C1orf167: variants seen among roughly 807,000 people sequenced by gnomAD.
C1orf167 encodes the protein uncharacterized protein C1orf167.
Under a neutral mutation model 176.5 loss-of-function variants are expected in C1orf167, and 153 were observed. The observed-to-expected ratio is 0.87, with a 90% CI of 0.76 to 0.99. The LOEUF (loss-of-function observed/expected upper bound fraction) is 0.99, where lower values mean the gene tolerates loss of function less well. Ranked by LOEUF, C1orf167 falls within the 50% of genes least tolerant of loss-of-function variation. The pLI is 0.00. For synonymous variants in C1orf167, 594 were observed against 752.7 expected, an observed-to-expected ratio of 0.79 and a Z score of 3.45; for missense variants, 1,490 against 1,817.7, an observed-to-expected ratio of 0.82 and a Z score of 3.28.
chr1:11,788,185 G>C lies in C1orf167; in HGVS notation c.3885G>C (p.Gln1295His), dbSNP rs1166977246. ...GCAGGATCCTGGAAAAGCAGGCCCA[G>C]GCCCATGGCTCTGCCCTCCTTCTGG... The part of the protein sequence containing the change: ...RSCRILEKQA[Q>H]AHGSALLLAL... Residue 1295 changes from glutamine (Q) to histidine (H), a missense_variant, in exon 19 of 21, where the codon CAG (glutamine) becomes CAC (histidine). By Grantham distance (24) the Gln-to-His change is conservative. Coordinates refer to ENST00000688073, the MANE Select transcript of C1orf167 (RefSeq NM_001010881.2). 3 of 1,296,148 alleles carry C rather than the reference G, an allele frequency of 2.3e-6. No individual in the cohort carries two copies. The South Asian group carries it at 3.7e-5, about 16-fold the overall frequency. 80.3% of individuals were successfully genotyped at this position (1,296,148 alleles called of 1,614,324 possible).
chr1:11,774,440 A>C (rs2100317410), intron 8 of C1orf167, among the ~76,000 whole-genome samples: 1 of 152,320 alleles, frequency 6.6e-6, no homozygotes, highest in Non-Finnish European at 1.5e-5. Context: ...CTAGTTTCCC[A>C]CTGTCTGCAT....
chr1:11,783,282 T>C (rs1304192535), intron 14 of C1orf167, among the ~76,000 whole-genome samples: 1 of 152,170 alleles, frequency 6.6e-6, no homozygotes, highest in East Asian at 1.9e-4. Context: ...AGTTTCGCTC[T>C]TGTTGCCCAG....
At position 11,788,046 on chromosome 1, in the gene C1orf167, C is replaced by T. The variant is rs1383903827; in HGVS notation, c.3847C>T (p.Arg1283Cys). 2.3e-5 allele frequency: 30 copies of T among 1,293,654 alleles called. No homozygotes were observed. Among genetic ancestry groups the T allele is most frequent in the South Asian group, 3.8e-5 (3 of 79,760 alleles). 80.1% of individuals were successfully genotyped at this position (1,293,654 alleles called of 1,614,324 possible). A position where few individuals can be genotyped will look rare whatever the true frequency, so the allele number is the denominator to read the frequency against. Reference sequence around the variant, plus strand: ...AAGCAAGGCCCATAAACGGAGGCTACGGTAAGAGGAGCTGTGTGTGCAGTT... The same window carrying T: ...AAGCAAGGCCCATAAACGGAGGCTATGGTAAGAGGAGCTGTGTGTGCAGTT... ...AQSKAHKRRL[R>C]ARSCRILEKQ... The change falls in exon 18 of 21, where the codon CGT becomes TGT. Residue 1283 changes from arginine (R) to cysteine (C), a missense_variant and splice_region_variant. Arg to Cys is a radical substitution (Grantham distance 180). Transcript: ENST00000688073.
intron 2 of C1orf167, among the ~76,000 whole-genome samples, chr1:11,765,299 C>CCACAAGGA (rs1255572337): frequency 6.6e-6 from 1 of 152,032 alleles, no homozygotes; most frequent in African/African-American, 2.4e-5. Context: ...TCATCCATCC[C>CCACAAGGA]CACAAGGACT....
At position 11,784,574 on chromosome 1, in the gene C1orf167, TCC is replaced by T; in HGVS notation, c.3407_3408del (p.Ser1136LeufsTer32). Reference protein sequence around the residue: ...CRGQVSRAHASWKPRAWVLEA... With the variant: ...CRGQVSRAHAXWKPRAWVLEA... ...GGGCCAGGTCAGCCGAGCCCATGCTTCCTGGAAGCCGCGAGCCTGGTGAGTGC... is the reference window on the plus strand; with the variant it reads ...GGGCCAGGTCAGCCGAGCCCATGCTTTGGAAGCCGCGAGCCTGGTGAGTGC... On this transcript the variant is annotated frameshift_variant, in exon 15 of 21. Coordinates refer to ENST00000688073, the MANE Select transcript of C1orf167 (RefSeq NM_001010881.2). LOFTEE classifies it high-confidence loss of function. The T allele has an allele frequency of 7.9e-7, 1 of 1,261,474 alleles. No individual in the cohort carries two copies. The highest frequency in any genetic ancestry group is 1.3e-5 in the South Asian group (1 of 75,708). 78.1% of individuals were successfully genotyped at this position (1,261,474 alleles called of 1,614,324 possible).
At chr1:11,788,776 C>G (rs533874353) in intron 20 of C1orf167, 30 bp downstream of exon 20, 1 of 1,298,308 alleles carries the variant, frequency 7.7e-7, no homozygotes, top group Admixed American at 2.3e-5. Context: ...CTGCCCTCTT[C>G]CCTGCATTCC....
chr1:11,771,678 G>A (rs1290054417), intron 7 of C1orf167, 42 bp downstream of exon 7: 1 of 1,244,744 alleles, frequency 8.0e-7, no homozygotes. Context: ...ATGGAGCCTG[G>A]CCACGCAGGG....
chr1:11,783,828 A>T, intron 14 of C1orf167, among the ~76,000 whole-genome samples: 1 of 152,168 alleles, frequency 6.6e-6, no homozygotes, highest in Middle Eastern at 3.4e-3. Flanking sequence ...AGAACGAGAC[A>T]AGCCCTCCCA....
At chr1:11,770,733 A>T (rs1643014787) in intron 6 of C1orf167, among the ~76,000 whole-genome samples, 1 of 150,494 alleles carries the variant, frequency 6.6e-6, no homozygotes, top group Non-Finnish European at 1.5e-5. Context: ...CAGTGCTGGG[A>T]TTATAGACGT....
chr1:11,779,193 G>A (rs1557736752), intron 12 of C1orf167, 113 bp downstream of exon 12: 1 of 1,045,656 alleles, frequency 9.6e-7, no homozygotes, highest in Non-Finnish European at 1.2e-6. Flanking sequence ...TGCACCTCAG[G>A]GGGCTTCAGT....
chr1:11,776,417 T>G, intron 9 of C1orf167, 47 bp from the exon 10 acceptor site: 43 of 1,273,438 alleles, frequency 3.4e-5, no homozygotes, highest in East Asian at 5.9e-5. Flanking sequence ...GTGGGCAGAG[T>G]GAGGTCAGTG....
intron 9 of C1orf167, among the ~76,000 whole-genome samples, chr1:11,775,977 G>T (rs564457217): frequency 1.3e-5 from 2 of 152,346 alleles, no homozygotes; most frequent in South Asian, 4.1e-4. Flanking sequence ...TTAACTGGGG[G>T]CCCGGTGTAG....
chr1:11,765,588 C>T (rs1642752311), intron 2 of C1orf167, among the ~76,000 whole-genome samples: 1 of 151,482 alleles, frequency 6.6e-6, no homozygotes, highest in African/African-American at 2.4e-5. Context: ...GATCCCACCA[C>T]CGTCATCTCT....
chr1:11,777,759 G>C (rs1389677458), intron 10 of C1orf167: 3 of 152,098 alleles, frequency 2.0e-5, no homozygotes, highest in Non-Finnish European at 4.4e-5. Context: ...AATTCACCGT[G>C]ACCTTTCAGA....
intron 17 of C1orf167, 154 bp downstream of exon 17, chr1:11,787,647 C>G: frequency 1.2e-6 from 1 of 836,806 alleles, no homozygotes; most frequent in South Asian, 1.8e-5. Flanking sequence ...AATGTTTCAG[C>G]TGTTCTGAGA....
intron 13 of C1orf167, among the ~76,000 whole-genome samples, chr1:11,780,518 T>C (rs1643546145): frequency 1.3e-5 from 2 of 152,114 alleles, no homozygotes; most frequent in Admixed American, 1.3e-4. Flanking sequence ...TAGTCTTGAG[T>C]TTGAATCCCT....
rs749366697 is a variant in C1orf167 at position 11,766,612 on chromosome 1, C to T, written c.826C>T (p.Gln276Ter). 44 of 1,281,742 alleles carry T rather than the reference C, an allele frequency of 3.4e-5. No individual in the cohort carries two copies. The South Asian group carries it at 5.5e-4, about 16-fold the overall frequency. 79.4% of individuals were successfully genotyped at this position (1,281,742 alleles called of 1,614,324 possible). A position where few individuals can be genotyped will look rare whatever the true frequency, so the allele number is the denominator to read the frequency against. Residue 276 changes from glutamine (Q) to a stop codon, truncating the protein, a stop_gained, in exon 3 of 21, where the codon CAG (glutamine) becomes TAG (stop). Transcript: ENST00000688073. LOFTEE classifies it high-confidence loss of function. This position sits in a 1 kb window ranked among gnomAD's most constrained non-coding sequence, Gnocchi z 4.5. ...VQQDLWTGGG[Q>*]PFSAHPQPSQ... Reference sequence around the variant, plus strand: ...GCAGGACCTCTGGACCGGCGGCGGCCAGCCATTCTCCGCCCACCCCCAGCC... The same window carrying T: ...GCAGGACCTCTGGACCGGCGGCGGCTAGCCATTCTCCGCCCACCCCCAGCC...
In C1orf167 at chr1:11,772,235, A is replaced by G; in HGVS notation, c.1964A>G (p.Gln655Arg). The stretch of plus-strand genomic sequence containing the variant: ...GCCTGGGTGGCCCCACTGAGCCCCC[A>G]GCACCAGAGAGCTTGGCTGTGCAGG... ...GVAWVAPLSP[Q>R]HQRAWLCRCF... The change falls in exon 8 of 21, where the codon CAG becomes CGG. Residue 655 changes from glutamine to arginine, a missense_variant. Gln to Arg is a conservative substitution (Grantham distance 43). Coordinates refer to ENST00000688073, the MANE Select transcript of C1orf167 (RefSeq NM_001010881.2). 7.7e-7 allele frequency: 1 copy of G among 1,303,782 alleles called. No homozygotes were observed. Among genetic ancestry groups the G allele is most frequent in the South Asian group, 1.2e-5 (1 of 80,990 alleles). The allele number at this position is 1,303,782 out of a possible 1,614,324, so 80.8% of individuals were successfully genotyped here.
At chr1:11,774,030 G>A (rs1643200419) in intron 8 of C1orf167, among the ~76,000 whole-genome samples, 1 of 151,728 alleles carries the variant, frequency 6.6e-6, no homozygotes, top group Non-Finnish European at 1.5e-5. Flanking sequence ...CTGCCTCCAA[G>A]TAGCTGGGAC....
Sources: gnomAD v4.1 joint callset for allele counts (sites outside exome capture counted in the v4.1 genomes callset) on GRCh38, gnomAD v4.1.1 for gene constraint, Gnocchi (gnomAD v3.1) non-coding constraint, MANE v1.5 for transcripts, NCBI Gene and HGNC (gene_info 2026-07-23, HGNC 2026-07-21) for gene names.